Variants in DRGX observed in about 807,000 individuals in gnomAD.
The protein encoded by DRGX is dorsal root ganglia homeobox protein.
Under a neutral mutation model 28.6 loss-of-function variants are expected in DRGX, and 21 were observed. The observed-to-expected ratio is 0.73, with a 90% CI of 0.52 to 1.06. DRGX has a LOEUF of 1.06. Among genes scored for constraint, DRGX ranks in the 50% least tolerant of loss-of-function variants. DRGX has a pLI of 0.00. For synonymous variants in DRGX, 136 were observed against 139.1 expected, an observed-to-expected ratio of 0.98 and a Z score of 0.16; for missense variants, 354 against 343.9, an observed-to-expected ratio of 1.03 and a Z score of -0.23.
rs978590591 is a variant in DRGX at position 49,366,018 on chromosome 10, G to T, written c.*98C>A. On this transcript the variant is annotated 3_prime_UTR_variant, in exon 7 of 7. Transcript: ENST00000374139. ...GGGTCCATGCAGAGGCCCTGGGGCC[G>T]CAGGCTTCTCCTTGCTATTTGGAGA... 7 of 1,404,764 alleles carry T rather than the reference G, an allele frequency of 5.0e-6. No homozygotes were observed. The highest frequency in any genetic ancestry group is 1.4e-5 in the African/African-American group (1 of 69,676). 87.0% of individuals were successfully genotyped at this position (1,404,764 alleles called of 1,614,324 possible).
At chr10:49,386,938 C>T in intron 4 of DRGX, 80 bp from the exon 5 acceptor site, 1 of 1,448,318 alleles carries the variant, frequency 6.9e-7, no homozygotes, top group Non-Finnish European at 9.1e-7. Flanking sequence ...AGTGCTGGCA[C>T]TCACAGCTCA....
intron 6 of DRGX, among the ~76,000 whole-genome samples, chr10:49,373,924 A>G (rs1849690758): frequency 6.6e-6 from 1 of 152,232 alleles, no homozygotes; most frequent in Admixed American, 6.5e-5. Context: ...AGAAAAATGT[A>G]TAAATTTAAA....
chr10:49,376,988 G>A (rs961470138), intron 6 of DRGX, among the ~76,000 whole-genome samples: 2 of 152,128 alleles, frequency 1.3e-5, no homozygotes, highest in Non-Finnish European at 2.9e-5. Flanking sequence ...CTTCACGTAG[G>A]GATGAGTCTA....
intron 6 of DRGX, among the ~76,000 whole-genome samples, chr10:49,375,877 G>A (rs1431982767): frequency 6.6e-6 from 1 of 152,102 alleles, no homozygotes; most frequent in Admixed American, 6.5e-5. Context: ...CTCGGCATGG[G>A]CAGGCTGCTT....
Position 49,364,433 on chromosome 10 carries a change from T to A in DRGX, c.*1683A>T, listed in dbSNP as rs772378072. ...CAGCATAACTACTTTTCAGATGCAATGCTGTTAAGTATTCTTAATTTGCTC... is the reference window on the plus strand; with the variant it reads ...CAGCATAACTACTTTTCAGATGCAAAGCTGTTAAGTATTCTTAATTTGCTC... On this transcript the variant is annotated 3_prime_UTR_variant, in exon 7 of 7. Coordinates refer to ENST00000374139, the MANE Select transcript of DRGX (RefSeq NM_001276451.2). 1 of 152,258 alleles carries A rather than the reference T, an allele frequency of 6.6e-6. No homozygotes were observed. Among genetic ancestry groups the A allele is most frequent in the African/African-American group, 2.4e-5 (1 of 41,470 alleles). 9.4% of individuals were successfully genotyped at this position (152,258 alleles called of 1,614,324 possible).
In DRGX at chr10:49,389,717, T is replaced by C. The variant is rs148595208; in HGVS notation, c.234+416A>G. 7.9e-5 allele frequency among the ~76,000 whole-genome samples: 12 copies of C among 152,332 alleles called. No homozygotes were observed. The East Asian group carries it at 2.3e-3, about 29-fold the overall frequency. The stretch of plus-strand genomic sequence containing the variant: ...GAAAAGTTGGACATGATGCAATTTC[T>C]GGAAAGCAGATCCTACTCTGCTTCC... On this transcript the variant is annotated intron_variant, in intron 4 of 6. Transcript: ENST00000374139.
At chr10:49,368,824 C>T (rs1849626033) in intron 6 of DRGX, among the ~76,000 whole-genome samples, 1 of 152,160 alleles carries the variant, frequency 6.6e-6, no homozygotes, top group Non-Finnish European at 1.5e-5. Context: ...AACTTAGAAA[C>T]ATAATGTTAA....
At chr10:49,386,353 A>C (rs1391583718) in intron 6 of DRGX, 125 bp downstream of exon 6, 1 of 767,994 alleles carries the variant, frequency 1.3e-6, no homozygotes, top group Non-Finnish European at 2.0e-6. Context: ...GCTGTGACTG[A>C]CAGGAGGCGA....
chr10:49,395,614 T>A, intron 1 of DRGX, 93 bp from the exon 2 acceptor site: 1 of 739,414 alleles, frequency 1.4e-6, no homozygotes, highest in Non-Finnish European at 2.3e-6. Flanking sequence ...TCCTGGAAAG[T>A]CCCTCCCAAC....
intron 6 of DRGX, among the ~76,000 whole-genome samples, chr10:49,379,849 A>G (rs1388982154): frequency 6.6e-6 from 1 of 152,192 alleles, no homozygotes; most frequent in Non-Finnish European, 1.5e-5. Context: ...CAGTCCTGAC[A>G]GCGTCCAAGG....
At chr10:49,386,434 C>T in intron 6 of DRGX, 44 bp downstream of exon 6, 1 of 1,472,300 alleles carries the variant, frequency 6.8e-7, no homozygotes, top group Non-Finnish European at 9.0e-7. Context: ...ACTCCACCAA[C>T]CCCATGAGGC....
At chr10:49,369,366 C>T (rs1255222309) in intron 6 of DRGX, among the ~76,000 whole-genome samples, 1 of 152,160 alleles carries the variant, frequency 6.6e-6, no homozygotes, top group African/African-American at 2.4e-5. Flanking sequence ...AAGCCAAGGA[C>T]CCTGTGGTTA....
At position 49,365,924 on chromosome 10, in the gene DRGX, C is replaced by T; in HGVS notation, c.*192G>A. 1 of 548,482 alleles carries T rather than the reference C, an allele frequency of 1.8e-6. No individual in the cohort carries two copies. Among genetic ancestry groups the T allele is most frequent in the Non-Finnish European group, 2.9e-6 (1 of 345,102 alleles). The allele number at this position is 548,482 out of a possible 1,614,324, so 34.0% of individuals were successfully genotyped here. ...TGCCAAAGAAGCCAGGACAACACTG[C>T]CGCACTGGTGGGACTCCAGAGGGAC... is the stretch of plus-strand genomic sequence containing the variant. On this transcript the variant is annotated 3_prime_UTR_variant, in exon 7 of 7. Coordinates refer to ENST00000374139, the MANE Select transcript of DRGX (RefSeq NM_001276451.2).
At chr10:49,369,613 G>T (rs1380981996) in intron 6 of DRGX, among the ~76,000 whole-genome samples, 1 of 152,174 alleles carries the variant, frequency 6.6e-6, no homozygotes, top group Admixed American at 6.5e-5. Context: ...AGTGGGAATT[G>T]TTCGCCGGTC....
In DRGX at chr10:49,395,644, G is replaced by T. The variant is rs1590374012; in HGVS notation, c.-81-123C>A. ...CCCAACGCCCTCATCTCACTGCGGG[G>T]GACAGGAGGGAAGGCGGCAGCCCCG... On this transcript the variant is annotated intron_variant, in intron 1 of 6. Transcript: ENST00000374139. The T allele has an allele frequency of 1.6e-5, 10 of 637,018 alleles. No individual in the cohort carries two copies. The East Asian group carries it at 2.7e-4, about 17-fold the overall frequency. The allele number at this position is 637,018 out of a possible 1,614,324, so 39.5% of individuals were successfully genotyped here. A position where few individuals can be genotyped will look rare whatever the true frequency, so the allele number is the denominator to read the frequency against.
chr10:49,395,719 G>C (rs1188117117), intron 1 of DRGX, among the ~76,000 whole-genome samples, 198 bp from the exon 2 acceptor site: 1 of 152,186 alleles, frequency 6.6e-6, no homozygotes, highest in Non-Finnish European at 1.5e-5. Context: ...TCCACCTCCC[G>C]GACGGCCGTG....
intron 6 of DRGX, among the ~76,000 whole-genome samples, chr10:49,380,312 G>A (rs1029732329): frequency 4.6e-5 from 7 of 152,196 alleles, no homozygotes; most frequent in South Asian, 4.1e-4. Context: ...CACCTCCTCC[G>A]CTGACTGTGG....
chr10:49,370,152 A>T (rs1590360833), intron 6 of DRGX, among the ~76,000 whole-genome samples: 2 of 152,068 alleles, frequency 1.3e-5, no homozygotes, highest in Non-Finnish European at 2.9e-5. Flanking sequence ...CACCTGTAAA[A>T]CCAGCACTTT....
intron 1 of DRGX, 147 bp from the exon 2 acceptor site, chr10:49,395,668 C>A (rs1259592252): frequency 3.2e-6 from 2 of 616,498 alleles, no homozygotes; most frequent in Non-Finnish European, 2.9e-6. Context: ...GCGGCAGCCC[C>A]GTCGCAAGCA....
Sources: allele counts gnomAD v4.1 joint callset (sites outside exome capture counted in the v4.1 genomes callset), GRCh38; gene constraint gnomAD v4.1.1; transcripts MANE v1.5; gene names NCBI Gene and HGNC (gene_info 2026-07-23, HGNC 2026-07-21).